MEGF10: variants seen among roughly 807,000 people sequenced by gnomAD.
MEGF10 encodes the protein multiple epidermal growth factor-like domains protein 10.
Under a neutral mutation model 147.5 loss-of-function variants are expected in MEGF10, and 86 were observed. The ratio of observed to expected loss-of-function variants is 0.58; its 90% CI spans 0.49 to 0.70. The LOEUF (loss-of-function observed/expected upper bound fraction) is 0.70. MEGF10 is among the 30% of genes least tolerant of loss of function. The pLI is 0.00. For missense variants in MEGF10, 1,329 were observed against 1,487.3 expected (o/e 0.89, Z 1.75); for synonymous variants, 478 against 525.5 (o/e 0.91, Z 1.24).
At chr5:127,247,321 A>AGAGAG in the MEGF10 span, among the ~76,000 whole-genome samples, 1 of 4,028 alleles carries the variant, frequency 2.5e-4, no homozygotes, top group African/African-American at 6.5e-4. Flanking sequence ...AAAGAGAGAG[A>AGAGAG]AGAAGAAGAA....
At chr5:127,315,504 G>T (rs1345251761) in intron 1 of MEGF10, among the ~76,000 whole-genome samples, 1 of 152,154 alleles carries the variant, frequency 6.6e-6, no homozygotes, top group Non-Finnish European at 1.5e-5. Flanking sequence ...TGCCGGGCGT[G>T]GTGGCCCATG....
chr5:127,299,941 T>C (rs918131459), intron 1 of MEGF10: 1 of 152,166 alleles, frequency 6.6e-6, no homozygotes, highest in Non-Finnish European at 1.5e-5. Flanking sequence ...TGTGATTTGC[T>C]TGAGGTCACT....
At chr5:127,238,793 A>T in the MEGF10 span, among the ~76,000 whole-genome samples, 6 of 152,224 alleles carry the variant, frequency 3.9e-5, no homozygotes, top group Admixed American at 3.9e-4. Context: ...TGTCTGTATA[A>T]ATGATCTGTG....
chr5:127,448,714 C>T (rs1216150334), intron 21 of MEGF10, among the ~76,000 whole-genome samples: 1 of 151,804 alleles, frequency 6.6e-6, no homozygotes, highest in Non-Finnish European at 1.5e-5. Flanking sequence ...ATGTTTACGC[C>T]TAGGATAACT....
the MEGF10 span, among the ~76,000 whole-genome samples, chr5:127,283,330 C>T: frequency 6.6e-6 from 1 of 152,090 alleles, no homozygotes; most frequent in Non-Finnish European, 1.5e-5. Context: ...TTCACTATAT[C>T]AAATGTTGAA....
At chr5:127,411,874 A>G (rs572120446) in intron 9 of MEGF10, among the ~76,000 whole-genome samples, 2 of 152,326 alleles carry the variant, frequency 1.3e-5, no homozygotes, top group Admixed American at 1.3e-4. Context: ...AGCCTCATGT[A>G]GTGACAACTA....
the MEGF10 span, among the ~76,000 whole-genome samples, chr5:127,248,093 C>T: frequency 3.3e-5 from 5 of 151,972 alleles, no homozygotes; most frequent in Admixed American, 6.6e-5. Context: ...TCACCATATG[C>T]GTCAGTCATT....
intron 1 of MEGF10, among the ~76,000 whole-genome samples, chr5:127,329,862 G>A (rs944138382): frequency 2.6e-5 from 4 of 152,124 alleles, no homozygotes; most frequent in Non-Finnish European, 5.9e-5. Flanking sequence ...AATTCCAGAG[G>A]CTGCAGGAGT....
At chr5:127,295,777 A>G (rs946671120) in intron 1 of MEGF10, among the ~76,000 whole-genome samples, 50 of 152,180 alleles carry the variant, frequency 3.3e-4, no homozygotes, top group African/African-American at 1.2e-3. Flanking sequence ...GACTGCCTTT[A>G]CTCTCAGTTT....
chr5:127,328,814 A>G (rs1761143211), intron 1 of MEGF10, among the ~76,000 whole-genome samples: 1 of 152,064 alleles, frequency 6.6e-6, no homozygotes, highest in Non-Finnish European at 1.5e-5. Flanking sequence ...CACATTTCAC[A>G]CTTCGTTGAA....
chr5:127,260,842 G>C, the MEGF10 span, among the ~76,000 whole-genome samples: 1 of 152,198 alleles, frequency 6.6e-6, no homozygotes, highest in East Asian at 1.9e-4. Flanking sequence ...TCAGTGCTCA[G>C]GAACTTTAGG....
At chr5:127,363,657 A>G (rs1202613849) in intron 4 of MEGF10, among the ~76,000 whole-genome samples, 1 of 152,232 alleles carries the variant, frequency 6.6e-6, no homozygotes, top group African/African-American at 2.4e-5. Context: ...CATTGGGTGT[A>G]CAATTGGCAA....
At chr5:127,281,178 C>A in the MEGF10 span, among the ~76,000 whole-genome samples, 2 of 152,192 alleles carry the variant, frequency 1.3e-5, no homozygotes, top group Non-Finnish European at 2.9e-5. Context: ...TCATTCTGTC[C>A]TTGCACCATC....
intron 5 of MEGF10, among the ~76,000 whole-genome samples, chr5:127,392,635 G>A (rs1223659358): frequency 6.6e-6 from 1 of 152,126 alleles, no homozygotes; most frequent in Non-Finnish European, 1.5e-5. Context: ...ATACATGACA[G>A]GTACTTAAAA....
chr5:127,421,186 CAA>C (rs1424499776), intron 12 of MEGF10, among the ~76,000 whole-genome samples: 1 of 152,208 alleles, frequency 6.6e-6, no homozygotes. Context: ...GTAGACAAAG[CAA>C]AGCCCCTGGC....
In MEGF10 at chr5:127,420,202, T is replaced by C. The variant is rs758644802; in HGVS notation, c.1585T>C (p.Cys529Arg). 6.2e-7 allele frequency: 1 copy of C among 1,614,066 alleles called. No individual in the cohort carries two copies. The highest frequency in any genetic ancestry group is 1.1e-5 in the South Asian group (1 of 91,060). ...GWRGEKCELP[C>R]QDGTYGLNCA... The stretch of plus-strand genomic sequence containing the variant: ...GCGCGGGGAGAAATGCGAACTTCCC[T>C]GCCAGGTATGCACAAATCAGCGCCC... The change falls in exon 12 of 25, where the codon TGC becomes CGC. Residue 529 changes from cysteine to arginine, a missense_variant. By Grantham distance (180) the Cys-to-Arg change is radical (BLOSUM62 -3). Around this residue, in one of 3 missense-constraint regions of MEGF10, gnomAD observed 980 missense variants for 1,085.9 expected, o/e 0.90. Coordinates refer to ENST00000503335, the MANE Select transcript of MEGF10 (RefSeq NM_001256545.2).
intron 5 of MEGF10, among the ~76,000 whole-genome samples, chr5:127,373,802 A>G (rs1762929365): frequency 6.6e-6 from 1 of 152,152 alleles, no homozygotes; most frequent in African/African-American, 2.4e-5. Flanking sequence ...AGCAACCACT[A>G]CCTCTAAGGT....
chr5:127,283,053 C>T, the MEGF10 span, among the ~76,000 whole-genome samples: 1 of 152,200 alleles, frequency 6.6e-6, no homozygotes, highest in Admixed American at 6.5e-5. Flanking sequence ...GCTGCCCTCT[C>T]TTCTGGAATC....
chr5:127,451,117 A>T lies in MEGF10; in HGVS notation c.2980+1895A>T, dbSNP rs1298722272. On this transcript the variant is annotated intron_variant, in intron 22 of 24. Coordinates refer to ENST00000503335, the MANE Select transcript of MEGF10 (RefSeq NM_001256545.2). ...CTCTCTCCTGTGAATCTTGTTTTGTAGAGGAGTAGACTGGGAGGCACAGAG... is the reference window on the plus strand; with the variant it reads ...CTCTCTCCTGTGAATCTTGTTTTGTTGAGGAGTAGACTGGGAGGCACAGAG... Among the ~76,000 whole-genome samples the T allele has an allele frequency of 2.6e-5, 4 of 152,176 alleles. No homozygotes were observed. The East Asian group carries it at 7.7e-4, about 29-fold the overall frequency.
Sources: gnomAD v4.1 joint callset for allele counts (sites outside exome capture counted in the v4.1 genomes callset) on GRCh38, gnomAD v4.1.1 for gene constraint, gnomAD v4.1.1 regional missense constraint, MANE v1.5 for transcripts, NCBI Gene and HGNC (gene_info 2026-07-23, HGNC 2026-07-21) for gene names.